AUTS2: variants seen among roughly 807,000 people sequenced by gnomAD.
The protein encoded by AUTS2 is activator of transcription and developmental regulator AUTS2.
Under a neutral mutation model 112.4 loss-of-function variants are expected in AUTS2, and 17 were observed. The observed-to-expected ratio is 0.15, with a 90% CI of 0.10 to 0.23. AUTS2 has a LOEUF of 0.23. Ranked by LOEUF, AUTS2 falls within the 10% of genes least tolerant of loss-of-function variation. AUTS2 has a pLI of 1.00. For synonymous variants in AUTS2, 751 were observed against 702.7 expected (o/e 1.07, Z -1.09); for missense variants, 1,510 against 1,701.6 (o/e 0.89, Z 1.98).
chr7:69,671,790 CTATTTTATTTTATTT>C (rs527590074), intron 1 of AUTS2, among the ~76,000 whole-genome samples: 3 of 151,916 alleles, frequency 2.0e-5, no homozygotes, highest in Non-Finnish European at 4.4e-5. Context: ...TATTTTTGTC[CTATTTTATTTTATTT>C]TATTTTATTT....
chr7:70,141,405 G>A (rs754691421), intron 4 of AUTS2, among the ~76,000 whole-genome samples: 3 of 152,150 alleles, frequency 2.0e-5, no homozygotes, highest in Non-Finnish European at 4.4e-5. Context: ...GGAAAATGGT[G>A]AGTTTGGAAG....
chr7:70,622,572 C>T (rs1198074018), intron 5 of AUTS2, among the ~76,000 whole-genome samples: 2 of 152,136 alleles, frequency 1.3e-5, no homozygotes, highest in African/African-American at 2.4e-5. Flanking sequence ...CCTTCATTTC[C>T]TCTTGCCAAG....
At chr7:70,653,403 T>C (rs1480135496) in intron 5 of AUTS2, among the ~76,000 whole-genome samples, 1 of 152,230 alleles carries the variant, frequency 6.6e-6, no homozygotes, top group Non-Finnish European at 1.5e-5. Flanking sequence ...TGAACACGGA[T>C]GAAGTATGTC....
At chr7:69,846,186 G>C (rs1792193153) in intron 1 of AUTS2, among the ~76,000 whole-genome samples, 1 of 151,474 alleles carries the variant, frequency 6.6e-6, no homozygotes, top group South Asian at 2.1e-4. Flanking sequence ...GTTTACCACT[G>C]ACAGTTGTAG....
chr7:70,757,213 C>T (rs1054746177), intron 6 of AUTS2, among the ~76,000 whole-genome samples: 6 of 152,100 alleles, frequency 3.9e-5, no homozygotes, highest in African/African-American at 1.4e-4. Flanking sequence ...AGGTTCATTC[C>T]CAGGTGTTAT....
intron 1 of AUTS2, among the ~76,000 whole-genome samples, chr7:69,787,047 C>G (rs945148009): frequency 2.0e-5 from 3 of 152,194 alleles, no homozygotes; most frequent in African/African-American, 7.2e-5. Context: ...TGCCTACTAT[C>G]AGAACTAAAA....
At chr7:70,462,941 G>A (rs1244657823) in intron 5 of AUTS2, among the ~76,000 whole-genome samples, 3 of 151,190 alleles carry the variant, frequency 2.0e-5, no homozygotes, top group African/African-American at 7.3e-5. Context: ...CTGGGTGACA[G>A]AGCGAGACTC....
At chr7:69,860,179 T>A (rs866528211) in intron 1 of AUTS2, among the ~76,000 whole-genome samples, 1 of 151,834 alleles carries the variant, frequency 6.6e-6, no homozygotes, top group African/African-American at 2.4e-5. Context: ...TATTTCTGGT[T>A]TAAGGATGAT....
chr7:69,828,672 GAC>G (rs1325146627), intron 1 of AUTS2, among the ~76,000 whole-genome samples: 10 of 152,158 alleles, frequency 6.6e-5, no homozygotes, highest in African/African-American at 2.4e-4. Flanking sequence ...ACACAAGTAT[GAC>G]ACACACAATT....
chr7:69,676,267 C>G (rs938788346), intron 1 of AUTS2, among the ~76,000 whole-genome samples: 2 of 152,136 alleles, frequency 1.3e-5, no homozygotes, highest in Non-Finnish European at 2.9e-5. Flanking sequence ...AGGTATGGCC[C>G]TGAGACTACC....
At chr7:70,616,627 A>G (rs1230438482) in intron 5 of AUTS2, among the ~76,000 whole-genome samples, 4 of 152,228 alleles carry the variant, frequency 2.6e-5, no homozygotes, top group Admixed American at 6.5e-5. Context: ...TATGTGGTCA[A>G]TACATACTTG....
chr7:69,735,999 A>G (rs1418857607), intron 1 of AUTS2, among the ~76,000 whole-genome samples: 1 of 152,230 alleles, frequency 6.6e-6, no homozygotes, highest in Non-Finnish European at 1.5e-5. Context: ...TTGTGTCTGC[A>G]GGGACTTTGT....
At chr7:70,709,113 T>C (rs951512089) in intron 6 of AUTS2, among the ~76,000 whole-genome samples, 1 of 151,704 alleles carries the variant, frequency 6.6e-6, no homozygotes, top group African/African-American at 2.4e-5. Flanking sequence ...GAAATGGGGT[T>C]TCACCATGTT....
intron 5 of AUTS2, among the ~76,000 whole-genome samples, chr7:70,688,463 C>T (rs1808579023): frequency 1.3e-5 from 2 of 152,124 alleles, no homozygotes; most frequent in South Asian, 4.2e-4. Flanking sequence ...AAGCAAGACA[C>T]AGTCCTTGGA....
chr7:70,617,322 T>C (rs568102910), intron 5 of AUTS2, among the ~76,000 whole-genome samples: 1 of 152,162 alleles, frequency 6.6e-6, no homozygotes, highest in Admixed American at 6.5e-5. Flanking sequence ...AGTCCAACGG[T>C]TAGTGGGATC....
chr7:70,479,643 A>T (rs1797713204), intron 5 of AUTS2, among the ~76,000 whole-genome samples: 1 of 152,182 alleles, frequency 6.6e-6, no homozygotes, highest in East Asian at 1.9e-4. Context: ...ACCTGAAAAA[A>T]AAAAATGATG....
intron 4 of AUTS2, among the ~76,000 whole-genome samples, chr7:70,299,326 A>G (rs1789094120): frequency 1.3e-5 from 2 of 152,170 alleles, no homozygotes; most frequent in Admixed American, 6.5e-5. Context: ...ACTCTCACAC[A>G]TGATGACTCA....
chr7:70,224,689 C>T (rs1258073319), intron 4 of AUTS2, among the ~76,000 whole-genome samples: 5 of 152,162 alleles, frequency 3.3e-5, no homozygotes, highest in African/African-American at 2.4e-5. Flanking sequence ...ACTGCTCACT[C>T]ACTCACTCAC....
At chr7:69,998,459 A>T (rs1200378604) in intron 2 of AUTS2, among the ~76,000 whole-genome samples, 1 of 151,852 alleles carries the variant, frequency 6.6e-6, no homozygotes, top group Non-Finnish European at 1.5e-5. Flanking sequence ...GGGCCCAAAA[A>T]TTTTCCTTGG....
Sources: gnomAD v4.1 joint callset for allele counts (sites outside exome capture counted in the v4.1 genomes callset) on GRCh38, gnomAD v4.1.1 for gene constraint, MANE v1.5 for transcripts, NCBI Gene and HGNC (gene_info 2026-07-23, HGNC 2026-07-21) for gene names.